The following UNC5D variants were observed in gnomAD, a reference collection of about 807,000 sequenced individuals.
UNC5D encodes unc-5 netrin receptor D.
In UNC5D, 39 loss-of-function variants were observed where a neutral mutation model predicts 105.4. That is an observed-to-expected ratio of 0.37 (90% CI 0.29 to 0.48). The LOEUF is 0.48. Among genes scored for constraint, UNC5D ranks in the 20% least tolerant of loss-of-function variants. UNC5D has a pLI of 0.98. For missense variants in UNC5D, 991 were observed against 1,202.4 expected, an observed-to-expected ratio of 0.82 and a Z score of 2.60; for synonymous variants, 452 against 450.4, an observed-to-expected ratio of 1.00 and a Z score of -0.04.
chr8:35,381,889 C>T (rs1003361183), intron 1 of UNC5D, among the ~76,000 whole-genome samples: 2 of 152,142 alleles, frequency 1.3e-5, no homozygotes, highest in South Asian at 2.1e-4. Flanking sequence ...ATTTCTGTTG[C>T]TTTTGTTTTG....
intron 10 of UNC5D, 91 bp downstream of exon 10, chr8:35,726,620 T>C: frequency 6.5e-7 from 1 of 1,540,934 alleles, no homozygotes; most frequent in Admixed American, 1.8e-5. Flanking sequence ...TTTATGATGT[T>C]TACTCTCCCC....
At chr8:35,256,688 C>T (rs1412255762) in intron 1 of UNC5D, 1 of 151,914 alleles carries the variant, frequency 6.6e-6, no homozygotes, top group African/African-American at 2.4e-5. Flanking sequence ...AATTTGAACA[C>T]AGGGCAGCCT....
At chr8:35,381,247 G>A (rs1803027026) in intron 1 of UNC5D, among the ~76,000 whole-genome samples, 1 of 152,114 alleles carries the variant, frequency 6.6e-6, no homozygotes, top group South Asian at 2.1e-4. Context: ...CGACTGGGAT[G>A]ATAGTGAAAG....
intron 1 of UNC5D, among the ~76,000 whole-genome samples, chr8:35,427,896 G>A (rs1806354849): frequency 1.3e-5 from 2 of 152,136 alleles, no homozygotes; most frequent in African/African-American, 4.8e-5. Context: ...CTGTATCAGG[G>A]CAGTGCATGT....
chr8:35,308,520 G>A (rs1808616055), intron 1 of UNC5D, among the ~76,000 whole-genome samples: 1 of 152,032 alleles, frequency 6.6e-6, no homozygotes, highest in African/African-American at 2.4e-5. Flanking sequence ...CCTTCACAAT[G>A]GTCCCCAGTG....
At chr8:35,345,690 TGC>T (rs1472203848) in intron 1 of UNC5D, among the ~76,000 whole-genome samples, 59 of 152,194 alleles carry the variant, frequency 3.9e-4, no homozygotes, top group African/African-American at 1.3e-3. Context: ...ATGTTCTGTG[TGC>T]TCACAAAAAT....
At chr8:35,765,668 G>A (rs548484261) in intron 14 of UNC5D, among the ~76,000 whole-genome samples, 285 of 152,248 alleles carry the variant, frequency 1.9e-3, no homozygotes, top group Non-Finnish European at 2.9e-3. Context: ...AAACAAGTGT[G>A]CACATAAGGG....
chr8:35,245,475 T>G lies in UNC5D; in HGVS notation c.103+9588T>G, dbSNP rs543056054. On this transcript the variant is annotated intron_variant, in intron 1 of 16. Coordinates refer to ENST00000404895, the MANE Select transcript of UNC5D (RefSeq NM_080872.4). ...TACTAGCAGCTTGTATCGGGAGGTT[T>G]CCAAAGTTGTTTCTCTTAAAAAAAG... 2.6e-5 allele frequency among the ~76,000 whole-genome samples: 4 copies of G among 152,256 alleles called. No individual in the cohort carries two copies. The East Asian group carries it at 7.7e-4, about 29-fold the overall frequency.
intron 11 of UNC5D, among the ~76,000 whole-genome samples, chr8:35,746,982 A>G (rs1374330297): frequency 6.6e-6 from 1 of 152,174 alleles, no homozygotes; most frequent in African/African-American, 2.4e-5. Context: ...TGATGTTGCT[A>G]ATACACTGCT....
intron 1 of UNC5D, among the ~76,000 whole-genome samples, chr8:35,241,402 G>A (rs1004065772): frequency 2.6e-5 from 4 of 151,970 alleles, no homozygotes; most frequent in Non-Finnish European, 5.9e-5. Context: ...GTATGTTTTC[G>A]CTGTGTAAGT....
At chr8:35,322,188 G>C (rs1162947469) in intron 1 of UNC5D, among the ~76,000 whole-genome samples, 2 of 152,054 alleles carry the variant, frequency 1.3e-5, no homozygotes, top group Admixed American at 6.6e-5. Flanking sequence ...TTATTGAAAG[G>C]GATATTTATT....
At chr8:35,352,827 G>T (rs1023224439) in intron 1 of UNC5D, among the ~76,000 whole-genome samples, 1 of 152,086 alleles carries the variant, frequency 6.6e-6, no homozygotes, top group Admixed American at 6.6e-5. Flanking sequence ...TGGCCAGTCT[G>T]GTCTCAGACT....
At chr8:35,547,953 TTGAGTC>T (rs1415726275) in intron 1 of UNC5D, among the ~76,000 whole-genome samples, 2 of 152,130 alleles carry the variant, frequency 1.3e-5, no homozygotes, top group Non-Finnish European at 2.9e-5. Flanking sequence ...TTGAAGAACT[TTGAGTC>T]TGATGTTCAA....
rs555594854 is a variant in UNC5D at position 35,661,965 on chromosome 8, CT to C, written c.571-21581del. Among the ~76,000 whole-genome samples, 3 of 152,238 alleles carry C rather than the reference CT, an allele frequency of 2.0e-5. No homozygotes were observed. The South Asian group carries it at 6.2e-4, about 32-fold the overall frequency. ...ATTCATGGTGCTTCTTCTCCTGCCA[CT>C]CCACATGCTGGGGCTAAGGACCTAG... On this transcript the variant is annotated intron_variant, in intron 4 of 16. Coordinates refer to ENST00000404895, the MANE Select transcript of UNC5D (RefSeq NM_080872.4).
chr8:35,298,868 A>G (rs776244608), intron 1 of UNC5D, among the ~76,000 whole-genome samples: 6 of 152,242 alleles, frequency 3.9e-5, no homozygotes, highest in Non-Finnish European at 2.9e-5. Context: ...CAAAGTGATT[A>G]GGTTAGAAGA....
intron 1 of UNC5D, among the ~76,000 whole-genome samples, chr8:35,425,485 G>T (rs994323165): frequency 6.6e-6 from 1 of 152,152 alleles, no homozygotes; most frequent in Non-Finnish European, 1.5e-5. Context: ...TTAAAACACT[G>T]CTGTGCTGGG....
intron 1 of UNC5D, among the ~76,000 whole-genome samples, chr8:35,497,834 C>T (rs1184723333): frequency 3.3e-5 from 5 of 151,890 alleles, no homozygotes; most frequent in Non-Finnish European, 5.9e-5. Context: ...CTTTGGGAGG[C>T]TGAGGCAGGT....
chr8:35,533,201 C>A (rs1341865874), intron 1 of UNC5D, among the ~76,000 whole-genome samples: 2 of 152,160 alleles, frequency 1.3e-5, no homozygotes, highest in East Asian at 1.9e-4. Context: ...GTCTTTGATG[C>A]TGGTAATGTA....
chr8:35,668,578 T>A (rs946311645), intron 4 of UNC5D, among the ~76,000 whole-genome samples: 1 of 152,132 alleles, frequency 6.6e-6, no homozygotes, highest in Non-Finnish European at 1.5e-5. Flanking sequence ...GTTGCACTTA[T>A]TATATTTTAA....
Sources: gnomAD v4.1 joint callset for allele counts (sites outside exome capture counted in the v4.1 genomes callset) on GRCh38, gnomAD v4.1.1 for gene constraint, MANE v1.5 for transcripts, NCBI Gene and HGNC (gene_info 2026-07-23, HGNC 2026-07-21) for gene names.